Variants in STX5 observed in about 807,000 individuals in gnomAD.
STX5 encodes the protein syntaxin 5.
STX5 carries 15 observed loss-of-function variants against 42.9 expected under a neutral mutation model. That is an observed-to-expected ratio of 0.35 (90% CI 0.23 to 0.54). The LOEUF is 0.54. Among genes scored for constraint, STX5 ranks in the 20% least tolerant of loss-of-function variants. The pLI is 0.91. For synonymous variants in STX5, 184 were observed against 173.2 expected (o/e 1.06, Z -0.49); for missense variants, 430 against 455.0 (o/e 0.95, Z 0.50).
At chr11:62,826,458 G>A (rs755602220) in intron 5 of STX5, among the ~76,000 whole-genome samples, 3 of 150,708 alleles carry the variant, frequency 2.0e-5, no homozygotes, top group Non-Finnish European at 3.0e-5. Flanking sequence ...TCGGGAGGCT[G>A]AGGCAGGGGA....
chr11:62,821,378 G>T (rs925497380), intron 10 of STX5, among the ~76,000 whole-genome samples: 1 of 152,036 alleles, frequency 6.6e-6, no homozygotes, highest in Non-Finnish European at 1.5e-5. Flanking sequence ...TAAATTTGTT[G>T]TATCTATGTA....
intron 10 of STX5, among the ~76,000 whole-genome samples, chr11:62,818,587 A>T (rs1169757445): frequency 6.6e-6 from 1 of 151,292 alleles, no homozygotes; most frequent in South Asian, 2.1e-4. Context: ...AAAAAGAATA[A>T]ATCTGTATGA....
At position 62,824,277 on chromosome 11, in the gene STX5, A is replaced by G; in HGVS notation, c.797T>C (p.Ile266Thr). ...CTGCATGGTGTCTGCCCGACTCTGG[A>G]TGTAGGAATCCTTCAGGAGAGGGAG... ...LQLIDEQDSY[I>T]QSRADTMQNI... The change falls in exon 10 of 11, where the codon ATC (isoleucine) becomes ACC (threonine). Residue 266 changes from isoleucine (I) to threonine (T), a missense_variant. Physicochemically the swap from Ile to Thr is moderately conservative, Grantham distance 89. Coordinates refer to ENST00000294179, the MANE Select transcript of STX5 (RefSeq NM_003164.5). The G allele has an allele frequency of 6.2e-7, 1 of 1,614,144 alleles. No homozygotes were observed. The highest frequency in any genetic ancestry group is 8.5e-7 in the Non-Finnish European group (1 of 1,180,038).
At position 62,827,535 on chromosome 11, in the gene STX5, C is replaced by G. The variant is rs750443318; in HGVS notation, c.296+26G>C. 3.7e-6 allele frequency: 6 copies of G among 1,613,966 alleles called. No individual in the cohort carries two copies. In the African/African-American group the frequency reaches 4.0e-5, roughly 11 times the overall value. On this transcript the variant is annotated intron_variant, in intron 3 of 10. Coordinates refer to ENST00000294179, the MANE Select transcript of STX5 (RefSeq NM_003164.5). ...ACTTTTCTTCAGACACTGTATCACC[C>G]CACCAGAAAGCTTCTCTCAACTCAC...
In STX5 at chr11:62,825,495, G is replaced by C. The variant is rs146258093; in HGVS notation, c.468C>G (p.Phe156Leu). ...LNKQIAQLQD[F>L]VRAKGSQSGR... ...CACTCTGGCTGCCCTTGGCTCTCAC[G>C]AAATCCTGGAGCTGAGCAATTTGTT... The change falls in exon 6 of 11, where the codon TTC (phenylalanine) becomes TTG (leucine). Residue 156 changes from phenylalanine (F) to leucine (L), a missense_variant. Phe to Leu is a conservative substitution (Grantham distance 22). Transcript: ENST00000294179. 1.4e-5 allele frequency: 22 copies of C among 1,613,924 alleles called. No individual in the cohort carries two copies. In the South Asian group the frequency reaches 1.5e-4, roughly 11 times the overall value.
intron 10 of STX5, among the ~76,000 whole-genome samples, chr11:62,820,099 G>A (rs968952307): frequency 1.3e-5 from 2 of 151,614 alleles, no homozygotes; most frequent in East Asian, 2.0e-4. Flanking sequence ...GGCCGGGTGC[G>A]GTGGCTCATG....
At chr11:62,827,082 G>T in intron 5 of STX5, 73 bp downstream of exon 5, 1 of 1,440,566 alleles carries the variant, frequency 6.9e-7, no homozygotes, top group Non-Finnish European at 9.7e-7. Context: ...GGTCCCCATG[G>T]CAATGGAAAA....
chr11:62,822,131 G>C (rs1302034078), intron 10 of STX5, among the ~76,000 whole-genome samples: 1 of 152,218 alleles, frequency 6.6e-6, no homozygotes, highest in African/African-American at 2.4e-5. Context: ...GGGAGGCCAA[G>C]GTGGACAGGT....
At chr11:62,810,398 C>T (rs780887098) in intron 10 of STX5, among the ~76,000 whole-genome samples, 7 of 151,990 alleles carry the variant, frequency 4.6e-5, no homozygotes, top group Non-Finnish European at 7.4e-5. Context: ...GCCATTATTG[C>T]GCTACTGCAC....
At chr11:62,813,204 G>T (rs1177280618) in intron 10 of STX5, among the ~76,000 whole-genome samples, 1 of 151,830 alleles carries the variant, frequency 6.6e-6, no homozygotes, top group African/African-American at 2.4e-5. Context: ...AACCTGGGAG[G>T]AAGGGGTTGC....
chr11:62,831,205 A>T lies in STX5; in HGVS notation c.39T>A (p.Asp13Glu), dbSNP rs891148305. 1.1e-5 allele frequency: 17 copies of T among 1,566,112 alleles called. 1 individual carries two copies. In the Admixed American group the frequency reaches 2.7e-4, roughly 25 times the overall value. ...TTGAGAGACCCAGGTAGACACCCTG[A>T]TCCGTGTTCTTAGACCCGTAGCGTT... ...PRKRYGSKNT[D>E]QGVYLGLSKT... Residue 13 changes from aspartate to glutamate, a missense_variant, in exon 2 of 11, where the codon GAT (aspartate) becomes GAA (glutamate). Coordinates refer to ENST00000294179, the MANE Select transcript of STX5 (RefSeq NM_003164.5).
chr11:62,826,777 G>C (rs1565215101), intron 5 of STX5, among the ~76,000 whole-genome samples: 1 of 151,258 alleles, frequency 6.6e-6, no homozygotes. Flanking sequence ...CTACTGGGGA[G>C]GCTGAGGCAG....
intron 10 of STX5, among the ~76,000 whole-genome samples, chr11:62,809,780 T>C (rs2084596387): frequency 6.7e-6 from 1 of 150,300 alleles, no homozygotes; most frequent in African/African-American, 2.5e-5. Context: ...GCATGAAATT[T>C]GCACCTACTT....
rs1205479344 is a variant in STX5, at chr11:62,824,403, G to A, written c.786+56C>T. 1.1e-5 allele frequency: 17 copies of A among 1,613,094 alleles called. No homozygotes were observed. In the South Asian group the frequency reaches 1.2e-4, roughly 11 times the overall value. On this transcript the variant is annotated intron_variant, in intron 9 of 10. Transcript: ENST00000294179. ...CATGGCACACTCCAAACACTCTCTC[G>A]GGAACCACAGAGGATAATGGAGAAG...
chr11:62,822,472 G>A (rs1025900081), intron 10 of STX5, among the ~76,000 whole-genome samples: 1 of 152,042 alleles, frequency 6.6e-6, no homozygotes, highest in African/African-American at 2.4e-5. Context: ...ACCACACCTT[G>A]TACAACTCTC....
intron 10 of STX5, among the ~76,000 whole-genome samples, chr11:62,821,460 C>T (rs1023577722): frequency 2.6e-5 from 4 of 152,146 alleles, no homozygotes; most frequent in Non-Finnish European, 5.9e-5. Flanking sequence ...CGCAGTGGCT[C>T]ACATCTGTAA....
At chr11:62,809,879 G>A (rs946346700) in intron 10 of STX5, among the ~76,000 whole-genome samples, 11 of 151,566 alleles carry the variant, frequency 7.3e-5, no homozygotes, top group Admixed American at 5.3e-4. Context: ...TGAGGTGGGC[G>A]GATCACAAGT....
At chr11:62,814,068 G>C (rs1196463833) in intron 10 of STX5, among the ~76,000 whole-genome samples, 2 of 151,806 alleles carry the variant, frequency 1.3e-5, no homozygotes, top group African/African-American at 4.8e-5. Flanking sequence ...GGAACAACTT[G>C]AGCACTCACA....
At chr11:62,830,942 G>T in intron 2 of STX5, 77 bp downstream of exon 2, 1 of 1,352,786 alleles carries the variant, frequency 7.4e-7, no homozygotes, top group East Asian at 2.5e-5. Context: ...AATTACTTCG[G>T]TTAACAGTGG....
Sources: allele counts gnomAD v4.1 joint callset (sites outside exome capture counted in the v4.1 genomes callset), GRCh38; gene constraint gnomAD v4.1.1; transcripts MANE v1.5; gene names NCBI Gene and HGNC (gene_info 2026-07-23, HGNC 2026-07-21).